The following NBN variants were observed in gnomAD, a reference collection of about 807,000 sequenced individuals.
The protein encoded by NBN is nibrin.
NBN carries 88 observed loss-of-function variants against 90.8 expected under a neutral mutation model. The observed-to-expected ratio is 0.97, with a 90% CI of 0.82 to 1.16. NBN has a LOEUF of 1.16. Among genes scored for constraint, NBN ranks in the 50% most tolerant of loss-of-function variants. The probability of loss-of-function intolerance (pLI) is 0.00; values close to 1 mark genes in which losing one functional copy is unlikely to be tolerated. For missense variants in NBN, 894 were observed against 869.6 expected (o/e 1.03, Z -0.35); for synonymous variants, 328 against 295.1 (o/e 1.11, Z -1.14).
At position 89,937,130 on chromosome 8, in the gene NBN, T is replaced by C. The variant is rs976311378; in HGVS notation, c.2185-55A>G. The C allele has an allele frequency of 7.2e-6, 11 of 1,523,222 alleles. 1 individual carries two copies. In the South Asian group the frequency reaches 1.0e-4, roughly 14 times the overall value. The allele number at this position is 1,523,222 out of a possible 1,614,324, so 94.4% of individuals were successfully genotyped here. A position where few individuals can be genotyped will look rare whatever the true frequency, so the allele number is the denominator to read the frequency against. On this transcript the variant is annotated intron_variant, in intron 14 of 15. Transcript: ENST00000265433. ...TGCTCAGTGGTGAATATATAGTTAA[T>C]GAATTGCTATAGTGATAGGTCACTG...
At chr8:89,981,616 T>C (rs1586109406) in intron 2 of NBN, 93 bp from the exon 3 acceptor site, 6 of 1,360,610 alleles carry the variant, frequency 4.4e-6, no homozygotes, top group Non-Finnish European at 6.2e-6. Context: ...AATAGGCAGG[T>C]GGCTAACCTC....
At chr8:89,937,828 G>A (rs1809762930) in intron 14 of NBN, among the ~76,000 whole-genome samples, 1 of 151,966 alleles carries the variant, frequency 6.6e-6, no homozygotes, top group African/African-American at 2.4e-5. Flanking sequence ...ACACAAAAAA[G>A]AAAAAAGCAA....
In NBN at chr8:89,982,568, A is replaced by T. The variant is rs533145488; in HGVS notation, c.171+154T>A. ...CAAATACCACTGGTACCACTGCCAC[A>T]ATATAAGTATTTAATTTTGTTAACA... On this transcript the variant is annotated intron_variant, in intron 2 of 15. Coordinates refer to ENST00000265433, the MANE Select transcript of NBN (RefSeq NM_002485.5). 4 of 691,752 alleles carry T rather than the reference A, an allele frequency of 5.8e-6. No individual in the cohort carries two copies. In the African/African-American group the frequency reaches 7.2e-5, roughly 12 times the overall value. The allele number at this position is 691,752 out of a possible 1,614,324, so 42.9% of individuals were successfully genotyped here.
At chr8:89,964,331 T>C (rs1811137016) in intron 8 of NBN, 79 bp downstream of exon 8, 11 of 1,476,872 alleles carry the variant, frequency 7.4e-6, no homozygotes, top group Non-Finnish European at 1.0e-5. Flanking sequence ...CCCTAGCAAG[T>C]ATATGAGTAA....
At position 89,946,158 on chromosome 8, in the gene NBN, AT is replaced by A. The variant is rs1586040200; in HGVS notation, c.2051del (p.Asn684IlefsTer25). 6.3e-7 allele frequency: 1 copy of A among 1,594,864 alleles called. No homozygotes were observed. Among genetic ancestry groups the A allele is most frequent in the South Asian group, 1.1e-5 (1 of 90,586 alleles). ...GINDDYGQLKNFKKFKKVTYP... is the reference protein window; with the variant it reads ...GINDDYGQLKXFKKFKKVTYP... ...TACCTACCTTTTTGAATTTCTTGAA[AT>A]TTTTTAGTTGACCATAATCATCATT... On this transcript the variant is annotated frameshift_variant, in exon 13 of 16. Coordinates refer to ENST00000265433, the MANE Select transcript of NBN (RefSeq NM_002485.5). LOFTEE classifies it high-confidence loss of function.
intron 15 of NBN, chr8:89,936,087 CTTTTTTTTTTT>C: frequency 3.6e-6 from 1 of 280,254 alleles, no homozygotes; most frequent in Non-Finnish European, 6.6e-6. Flanking sequence ...TCTGTCAACA[CTTTTTTTTTTT>C]TTTTTTTTTG....
intron 14 of NBN, among the ~76,000 whole-genome samples, chr8:89,942,206 TGAAG>T (rs1453798821): frequency 6.6e-6 from 1 of 152,070 alleles, no homozygotes; most frequent in Non-Finnish European, 1.5e-5. Context: ...TGGCACTTAG[TGAAG>T]GAAATAAATA....
intron 5 of NBN, among the ~76,000 whole-genome samples, chr8:89,971,984 A>G (rs1811543589): frequency 6.6e-6 from 1 of 152,208 alleles, no homozygotes; most frequent in Non-Finnish European, 1.5e-5. Flanking sequence ...ACAGCTGTTC[A>G]TAACTGACCG....
At position 89,978,276 on chromosome 8, in the gene NBN, A is replaced by G. The variant is rs2129889177; in HGVS notation, c.528T>C (p.Tyr176=). The change falls in exon 5 of 16, where the codon TAT becomes TAC. Residue 176 remains tyrosine (Y), a synonymous_variant. Coordinates refer to ENST00000265433, the MANE Select transcript of NBN (RefSeq NM_002485.5). The part of the protein sequence containing the change: ...ICGRPIVKPE[Y]FTEFLKAVES... ...CAACTGCTTTCAGGAATTCAGTAAA[A>G]TATTCTGGCTTTACAATTGGACGTC... 1 of 1,601,234 alleles carries G rather than the reference A, an allele frequency of 6.2e-7. No individual in the cohort carries two copies. Among genetic ancestry groups the G allele is most frequent in the Non-Finnish European group, 8.6e-7 (1 of 1,168,470 alleles).
At chr8:89,942,203 TA>T (rs1291281131) in intron 14 of NBN, among the ~76,000 whole-genome samples, 2 of 152,118 alleles carry the variant, frequency 1.3e-5, no homozygotes, top group African/African-American at 2.4e-5. Flanking sequence ...TTCTGGCACT[TA>T]GTGAAGGAAA....
At chr8:89,940,811 A>G (rs980548010) in intron 14 of NBN, among the ~76,000 whole-genome samples, 9 of 152,204 alleles carry the variant, frequency 5.9e-5, no homozygotes, top group African/African-American at 2.2e-4. Context: ...AAGAACCATA[A>G]TAACAGCCTT....
intron 14 of NBN, among the ~76,000 whole-genome samples, chr8:89,939,572 G>A (rs922171234): frequency 3.3e-5 from 5 of 152,090 alleles, no homozygotes; most frequent in Non-Finnish European, 5.9e-5. Flanking sequence ...CATGCCATAC[G>A]CTTAAAAAGT....
At chr8:89,963,584 G>A (rs754295575) in intron 8 of NBN, among the ~76,000 whole-genome samples, 1 of 152,118 alleles carries the variant, frequency 6.6e-6, no homozygotes, top group Non-Finnish European at 1.5e-5. Flanking sequence ...TAAAAACTAT[G>A]GAAATGTGTT....
intron 7 of NBN, among the ~76,000 whole-genome samples, chr8:89,968,388 A>C (rs1223683898): frequency 6.6e-6 from 1 of 152,100 alleles, no homozygotes; most frequent in Non-Finnish European, 1.5e-5. Flanking sequence ...ATATGTGCTG[A>C]AAGTAAAGAG....
Position 89,980,052 on chromosome 8 carries a change from C to G in NBN, c.480+682G>C, listed in dbSNP as rs13312861. Reference sequence around the variant, plus strand: ...TATGCATATATTAGTACTCTGGAGGCTAATCACACTGCTGAATTTATAAAA... The same window carrying G: ...TATGCATATATTAGTACTCTGGAGGGTAATCACACTGCTGAATTTATAAAA... On this transcript the variant is annotated intron_variant, in intron 4 of 15. Transcript: ENST00000265433. Among the ~76,000 whole-genome samples the G allele has an allele frequency of 3.9e-5, 6 of 152,276 alleles. No individual in the cohort carries two copies. The South Asian group carries it at 1.2e-3, about 32-fold the overall frequency.
intron 3 of NBN, 25 bp from the exon 4 acceptor site, chr8:89,980,918 A>G (rs1344390381): frequency 1.2e-6 from 2 of 1,606,478 alleles, no homozygotes; most frequent in Admixed American, 1.7e-5. Flanking sequence ...AAGTTAAATA[A>G]AGTCATAGTA....
chr8:89,982,920 CACAT>C, intron 1 of NBN, 65 bp from the exon 2 acceptor site: 1 of 1,480,936 alleles, frequency 6.8e-7, no homozygotes, highest in Non-Finnish European at 9.4e-7. Flanking sequence ...CACGAACACA[CACAT>C]ACATGTAAGT....
rs749712282 is a variant in NBN, at chr8:89,984,508, T to C, written c.37+17A>G. ...CTACCGGGAAAATAGGCCCCGAGGC[T>C]TCCCTTCTGCCCTTACCTCCTGCCG... is the stretch of plus-strand genomic sequence containing the variant. On this transcript the variant is annotated intron_variant, in intron 1 of 15. Coordinates refer to ENST00000265433, the MANE Select transcript of NBN (RefSeq NM_002485.5). The C allele has an allele frequency of 1.9e-6, 3 of 1,610,942 alleles. No individual in the cohort carries two copies. In the Admixed American group the frequency reaches 5.0e-5, roughly 27 times the overall value.
chr8:89,978,189 C>T, intron 5 of NBN, 31 bp downstream of exon 5: 1 of 1,555,730 alleles, frequency 6.4e-7, no homozygotes, highest in Non-Finnish European at 8.9e-7. Flanking sequence ...ATATAAGTGA[C>T]ATCTTGTTAT....
Sources: gnomAD v4.1 joint callset for allele counts (sites outside exome capture counted in the v4.1 genomes callset) on GRCh38, gnomAD v4.1.1 for gene constraint, MANE v1.5 for transcripts, NCBI Gene and HGNC (gene_info 2026-07-23, HGNC 2026-07-21) for gene names.